Variants in C3orf70 observed in about 807,000 individuals in gnomAD.
C3orf70 encodes the protein chromosome 3 open reading frame 70.
Under a neutral mutation model 20.7 loss-of-function variants are expected in C3orf70, and 15 were observed. That is an observed-to-expected ratio of 0.72 (90% CI 0.48 to 1.11). The LOEUF is 1.11. C3orf70 is among the 50% of genes most tolerant of loss of function. The pLI is 0.00. For missense variants in C3orf70, 332 were observed against 317.6 expected (o/e 1.05, Z -0.34); for synonymous variants, 161 against 125.7 (o/e 1.28, Z -1.88).
At chr3:185,135,678 T>C (rs1408740280) in intron 1 of C3orf70, among the ~76,000 whole-genome samples, 2 of 152,144 alleles carry the variant, frequency 1.3e-5, no homozygotes, top group Non-Finnish European at 2.9e-5. Context: ...AAGTGATAAA[T>C]ACTCAAAGTG....
chr3:185,082,762 T>C lies in C3orf70; in HGVS notation c.*245A>G, dbSNP rs1468740263. On this transcript the variant is annotated 3_prime_UTR_variant, in exon 2 of 2. Coordinates refer to ENST00000335012, the MANE Select transcript of C3orf70 (RefSeq NM_001025266.3). ...CAGTGAAATTAAGGCGGGGTCACAA[T>C]TCATGACACCAGATGCTACATAGAA... The C allele has an allele frequency of 6.6e-6, 3 of 455,734 alleles. No homozygotes were observed. Among genetic ancestry groups the C allele is most frequent in the South Asian group, 3.7e-5 (1 of 26,944 alleles). The allele number at this position is 455,734 out of a possible 1,614,324, so 28.2% of individuals were successfully genotyped here.
At chr3:185,151,261 A>C (rs919550701) in intron 1 of C3orf70, among the ~76,000 whole-genome samples, 6 of 152,208 alleles carry the variant, frequency 3.9e-5, no homozygotes, top group African/African-American at 1.2e-4. Flanking sequence ...CTGTCAAAAT[A>C]AGACAGACAG....
chr3:185,124,811 T>TA (rs1277598023), intron 1 of C3orf70, among the ~76,000 whole-genome samples: 4 of 151,954 alleles, frequency 2.6e-5, no homozygotes, highest in Admixed American at 6.6e-5. Context: ...TAGAAAGAGT[T>TA]AAAAAAAATT....
At chr3:185,093,602 G>A (rs1481089279) in intron 1 of C3orf70, among the ~76,000 whole-genome samples, 3 of 152,042 alleles carry the variant, frequency 2.0e-5, no homozygotes, top group African/African-American at 2.4e-5. Flanking sequence ...CACCACAAGA[G>A]GAAATATAAG....
At position 185,152,928 on chromosome 3, in the gene C3orf70, C is replaced by G; in HGVS notation, c.-105G>C. On this transcript the variant is annotated 5_prime_UTR_variant, in exon 1 of 2. Transcript: ENST00000335012. ...CGGACGCGGGAGGGCGCGGCACGGGCCGGGAGTCACGCCAGCACGCGGCGG... is the reference window on the plus strand; with the variant it reads ...CGGACGCGGGAGGGCGCGGCACGGGGCGGGAGTCACGCCAGCACGCGGCGG... 2 of 1,078,638 alleles carry G rather than the reference C, an allele frequency of 1.9e-6. No homozygotes were observed. The highest frequency in any genetic ancestry group is 2.3e-5 in the South Asian group (1 of 43,716). The allele number at this position is 1,078,638 out of a possible 1,614,324, so 66.8% of individuals were successfully genotyped here. A position where few individuals can be genotyped will look rare whatever the true frequency, so the allele number is the denominator to read the frequency against.
chr3:185,127,179 A>G (rs1716428190), intron 1 of C3orf70, among the ~76,000 whole-genome samples: 1 of 152,176 alleles, frequency 6.6e-6, no homozygotes, highest in Non-Finnish European at 1.5e-5. Flanking sequence ...TGAAAAAGTA[A>G]AAGTAAAAAA....
intron 1 of C3orf70, among the ~76,000 whole-genome samples, chr3:185,108,813 T>C (rs1177372344): frequency 6.6e-6 from 1 of 152,208 alleles, no homozygotes; most frequent in Non-Finnish European, 1.5e-5. Context: ...ACATGTTCCC[T>C]CGTTTGGGAG....
At chr3:185,136,165 A>G (rs536346969) in intron 1 of C3orf70, among the ~76,000 whole-genome samples, 1 of 152,236 alleles carries the variant, frequency 6.6e-6, no homozygotes, top group Non-Finnish European at 1.5e-5. Flanking sequence ...GGCTATATTA[A>G]TATCAACTAA....
chr3:185,105,199 CAT>C (rs1036305712), intron 1 of C3orf70, among the ~76,000 whole-genome samples: 19 of 152,356 alleles, frequency 1.2e-4, no homozygotes, highest in African/African-American at 4.3e-4. Context: ...TGGATATCCA[CAT>C]GTGTTGGGAG....
chr3:185,135,008 T>C (rs937776967), intron 1 of C3orf70, among the ~76,000 whole-genome samples: 2 of 152,134 alleles, frequency 1.3e-5, no homozygotes, highest in African/African-American at 4.8e-5. Context: ...CCTGCCAGAA[T>C]GGTATCCCAA....
chr3:185,084,499 G>A lies in C3orf70; in HGVS notation c.197-936C>T, dbSNP rs779959054. Among the ~76,000 whole-genome samples the A allele has an allele frequency of 8.6e-5, 13 of 151,852 alleles. No individual in the cohort carries two copies. In the South Asian group the frequency reaches 2.3e-3, roughly 27 times the overall value. Reference sequence around the variant, plus strand: ...AGCTCATCAGTGGCCTAATCAGGAGGTGTCTCCCCCGCACCCCTCCCCGAC... The same window carrying A: ...AGCTCATCAGTGGCCTAATCAGGAGATGTCTCCCCCGCACCCCTCCCCGAC... On this transcript the variant is annotated intron_variant, in intron 1 of 1. Transcript: ENST00000335012.
At position 185,086,735 on chromosome 3, in the gene C3orf70, G is replaced by A. The variant is rs546440800; in HGVS notation, c.197-3172C>T. Among the ~76,000 whole-genome samples, 8 of 152,270 alleles carry A rather than the reference G, an allele frequency of 5.3e-5. No homozygotes were observed. The South Asian group carries it at 8.3e-4, about 16-fold the overall frequency. ...GATTCCACTTCTTTCTACAAGGTACGTCTATTAAATGTGTTTACTCAGAGC... is the reference window on the plus strand; with the variant it reads ...GATTCCACTTCTTTCTACAAGGTACATCTATTAAATGTGTTTACTCAGAGC... On this transcript the variant is annotated intron_variant, in intron 1 of 1. Transcript: ENST00000335012.
chr3:185,141,773 C>G (rs995988538), intron 1 of C3orf70, among the ~76,000 whole-genome samples: 3 of 150,224 alleles, frequency 2.0e-5, no homozygotes, highest in Non-Finnish European at 4.4e-5. Context: ...AAGGGAGGTA[C>G]AAGTATGCAG....
chr3:185,082,946 C>T lies in C3orf70; in HGVS notation c.*61G>A, dbSNP rs889446152. The T allele has an allele frequency of 1.6e-5, 24 of 1,515,710 alleles. No homozygotes were observed. The African/African-American group carries it at 3.2e-4, about 20-fold the overall frequency. 93.9% of individuals were successfully genotyped at this position (1,515,710 alleles called of 1,614,324 possible). ...ATCAACAGCATTGGAAAAAAGGATC[C>T]ACCAGACAAAGGTACAAAAGCTCGG... On this transcript the variant is annotated 3_prime_UTR_variant, in exon 2 of 2. Coordinates refer to ENST00000335012, the MANE Select transcript of C3orf70 (RefSeq NM_001025266.3).
intron 1 of C3orf70, among the ~76,000 whole-genome samples, chr3:185,138,089 A>T (rs1289664155): frequency 6.6e-6 from 1 of 152,224 alleles, no homozygotes. Flanking sequence ...GGAGACAACA[A>T]AAGTATAGTA....
intron 1 of C3orf70, among the ~76,000 whole-genome samples, chr3:185,105,018 T>C (rs1715899380): frequency 6.6e-6 from 1 of 152,146 alleles, no homozygotes; most frequent in Non-Finnish European, 1.5e-5. Context: ...TGACAACCAA[T>C]TAAAGATTAC....
chr3:185,105,299 A>C (rs1030070275), intron 1 of C3orf70, among the ~76,000 whole-genome samples: 30 of 152,250 alleles, frequency 2.0e-4, no homozygotes, highest in African/African-American at 6.8e-4. Context: ...CATGATGGTC[A>C]TAACACCCAT....
At chr3:185,093,799 C>A (rs1486088026) in intron 1 of C3orf70, among the ~76,000 whole-genome samples, 2 of 152,034 alleles carry the variant, frequency 1.3e-5, no homozygotes, top group Non-Finnish European at 2.9e-5. Flanking sequence ...GTATGGGATG[C>A]CTGAGGGATG....
intron 1 of C3orf70, among the ~76,000 whole-genome samples, chr3:185,119,585 A>C (rs1190452833): frequency 6.6e-6 from 1 of 152,214 alleles, no homozygotes; most frequent in Non-Finnish European, 1.5e-5. Context: ...TGTGAAAATG[A>C]ACTGAAAAGG....
Sources: gnomAD v4.1 joint callset for allele counts (sites outside exome capture counted in the v4.1 genomes callset) on GRCh38, gnomAD v4.1.1 for gene constraint, MANE v1.5 for transcripts, NCBI Gene and HGNC (gene_info 2026-07-23, HGNC 2026-07-21) for gene names.